LPCAT1: variants seen among roughly 807,000 people sequenced by gnomAD.
The protein encoded by LPCAT1 is 1-acylglycerol-3-phosphate O-acyltransferase.
Under a neutral mutation model 60.9 loss-of-function variants are expected in LPCAT1, and 23 were observed. That is an observed-to-expected ratio of 0.38 (90% CI 0.27 to 0.53). The LOEUF (loss-of-function observed/expected upper bound fraction) is 0.53. LPCAT1 is among the 20% of genes least tolerant of loss of function. The probability of loss-of-function intolerance (pLI) is 0.82; values close to 1 mark genes in which losing one functional copy is unlikely to be tolerated. For missense variants in LPCAT1, 622 were observed against 723.6 expected, an observed-to-expected ratio of 0.86 and a Z score of 1.61; for synonymous variants, 340 against 301.1, an observed-to-expected ratio of 1.13 and a Z score of -1.34.
Position 1,463,797 on chromosome 5 carries a change from C to A in LPCAT1, c.1459G>T (p.Ala487Ser). ...TGATCCGGGTACAGGTATTCCTCTGCGAAGGCAGGGTACATTTCTGCAAAC... is the reference window on the plus strand; with the variant it reads ...TGATCCGGGTACAGGTATTCCTCTGAGAAGGCAGGGTACATTTCTGCAAAC... Reference protein sequence around the residue: ...HRFAEMYPAFAEEYLYPDQTH... With the variant: ...HRFAEMYPAFSEEYLYPDQTH... Residue 487 changes from alanine (A) to serine (S), a missense_variant, in exon 14 of 14, where the codon GCA becomes TCA. By Grantham distance (99) the Ala-to-Ser change is moderately conservative. Around this residue, in one of 3 missense-constraint regions of LPCAT1, gnomAD observed 288 missense variants for 283.6 expected, o/e 1.02. Transcript: ENST00000283415. The A allele has an allele frequency of 6.2e-7, 1 of 1,614,170 alleles. No homozygotes were observed. The highest frequency in any genetic ancestry group is 1.3e-5 in the African/African-American group (1 of 75,052).
rs969468489 is a variant in LPCAT1, at chr5:1,502,555, C to A, written c.136-952G>T. On this transcript the variant is annotated intron_variant, in intron 1 of 13. Coordinates refer to ENST00000283415, the MANE Select transcript of LPCAT1 (RefSeq NM_024830.5). The surrounding 1 kb of genome is among the most constrained non-coding windows in gnomAD (Gnocchi z 5.5). ...CCCCAAGCCAGGGCAGGCCCCCACG[C>A]CAGGGAAGGCCGAGGCTGCGGGATC... 6.6e-6 allele frequency among the ~76,000 whole-genome samples: 1 copy of A among 152,118 alleles called. No individual in the cohort carries two copies. The highest frequency in any genetic ancestry group is 1.5e-5 in the Non-Finnish European group (1 of 68,024).
intron 11 of LPCAT1, among the ~76,000 whole-genome samples, chr5:1,473,611 G>A (rs73031858): frequency 0.013 from 1,938 of 152,336 alleles, 41 homozygotes; most frequent in African/African-American, 0.043. Context: ...AAACTCTGAC[G>A]CTGCAAAGAG....
intron 1 of LPCAT1, among the ~76,000 whole-genome samples, chr5:1,511,035 C>A (rs1425310244): frequency 1.3e-5 from 2 of 152,216 alleles, no homozygotes; most frequent in African/African-American, 2.4e-5. Context: ...TGCGGGGCGT[C>A]CCCACCAGCG....
intron 6 of LPCAT1, among the ~76,000 whole-genome samples, chr5:1,482,316 C>T (rs1001406305): frequency 6.9e-6 from 1 of 144,502 alleles, no homozygotes; most frequent in African/African-American, 2.6e-5. Context: ...CCGATGGAAC[C>T]GGAAGTATTC....
intron 4 of LPCAT1, among the ~76,000 whole-genome samples, chr5:1,489,026 C>CA (rs1381945312): frequency 6.6e-6 from 1 of 152,256 alleles, no homozygotes; most frequent in Non-Finnish European, 1.5e-5. Context: ...CCCAGCCCCG[C>CA]AGGCTGCTTT....
At chr5:1,517,896 C>T (rs753374944) in intron 1 of LPCAT1, among the ~76,000 whole-genome samples, 7 of 152,216 alleles carry the variant, frequency 4.6e-5, no homozygotes, top group Non-Finnish European at 8.8e-5. Context: ...GACAAGGGGA[C>T]GAGGTCGGAG....
rs200268743 is a variant in LPCAT1 at position 1,461,726 on chromosome 5, ATT to A, written c.*1923_*1924del. ...TCCATTCAAAGTCTGTTTATCAGAG[ATT>A]TTTTTTTCTGAAAATGCACAGTGGC... On this transcript the variant is annotated 3_prime_UTR_variant, in exon 14 of 14. Coordinates refer to ENST00000283415, the MANE Select transcript of LPCAT1 (RefSeq NM_024830.5). The A allele has an allele frequency of 2.6e-5, 4 of 152,498 alleles. No individual in the cohort carries two copies. Among genetic ancestry groups the A allele is most frequent in the African/African-American group, 9.7e-5 (4 of 41,374 alleles). The allele number at this position is 152,498 out of a possible 1,614,324, so 9.4% of individuals were successfully genotyped here. A position where few individuals can be genotyped will look rare whatever the true frequency, so the allele number is the denominator to read the frequency against.
rs1736058846 is a variant in LPCAT1, at chr5:1,502,610, TC to T, written c.136-1008del. On this transcript the variant is annotated intron_variant, in intron 1 of 13. Coordinates refer to ENST00000283415, the MANE Select transcript of LPCAT1 (RefSeq NM_024830.5). The surrounding 1 kb of genome is among the most constrained non-coding windows in gnomAD (Gnocchi z 5.5). The stretch of plus-strand genomic sequence containing the variant: ...GCAGCCCAGGGTCTGAGGATGGAGG[TC>T]CCTCCGGGAGGCGGGCAGGACTCCG... Among the ~76,000 whole-genome samples the T allele has an allele frequency of 2.0e-5, 3 of 151,772 alleles. No individual in the cohort carries two copies. The highest frequency in any genetic ancestry group is 2.0e-4 in the Admixed American group (3 of 15,238).
chr5:1,511,424 G>A (rs1409155068), intron 1 of LPCAT1, among the ~76,000 whole-genome samples: 2 of 151,868 alleles, frequency 1.3e-5, no homozygotes, highest in Admixed American at 1.3e-4. Flanking sequence ...GGATGCACCT[G>A]CTCACCTCGC....
intron 13 of LPCAT1, among the ~76,000 whole-genome samples, chr5:1,466,075 T>G (rs1367713446): frequency 5.9e-5 from 9 of 152,294 alleles, no homozygotes; most frequent in Admixed American, 3.9e-4. Flanking sequence ...CGGCATCCAC[T>G]GGGATGAGCC....
At chr5:1,520,504 C>T (rs1480956888) in intron 1 of LPCAT1, among the ~76,000 whole-genome samples, 1 of 152,132 alleles carries the variant, frequency 6.6e-6, no homozygotes, top group Non-Finnish European at 1.5e-5. Flanking sequence ...CACAGGAAGG[C>T]ATTATGCTTT....
chr5:1,492,411 C>T (rs1735623096), intron 3 of LPCAT1, among the ~76,000 whole-genome samples: 1 of 152,178 alleles, frequency 6.6e-6, no homozygotes, highest in South Asian at 2.1e-4. Context: ...GCTCCCGAAT[C>T]AGAGGGTGCT....
chr5:1,488,828 A>G (rs976658377), intron 4 of LPCAT1, among the ~76,000 whole-genome samples: 8 of 152,244 alleles, frequency 5.3e-5, no homozygotes, highest in Non-Finnish European at 1.2e-4. Flanking sequence ...ATCAGGAAGA[A>G]GGTGGGGAGG....
Position 1,521,460 on chromosome 5 carries a change from G to A in LPCAT1, c.135+2250C>T. 1.0e-6 allele frequency: 1 copy of A among 985,302 alleles called. No homozygotes were observed. The allele number at this position is 985,302 out of a possible 1,614,324, so 61.0% of individuals were successfully genotyped here. ...GAAGGCTTTCTTGGCTTGAAAGACAGGCTATTTCACTCTGTGGAAACTTTA... is the reference window on the plus strand; with the variant it reads ...GAAGGCTTTCTTGGCTTGAAAGACAAGCTATTTCACTCTGTGGAAACTTTA... On this transcript the variant is annotated intron_variant, in intron 1 of 13. Transcript: ENST00000283415. The surrounding 1 kb of genome is among the most constrained non-coding windows in gnomAD (Gnocchi z 4.3).
intron 2 of LPCAT1, among the ~76,000 whole-genome samples, chr5:1,497,140 A>G (rs1270014016): frequency 2.0e-5 from 3 of 152,214 alleles, no homozygotes; most frequent in Non-Finnish European, 4.4e-5. Context: ...TCGCCAAGAG[A>G]GTCTGGAAGA....
chr5:1,492,698 A>G (rs1201605585), intron 3 of LPCAT1, among the ~76,000 whole-genome samples: 1 of 152,192 alleles, frequency 6.6e-6, no homozygotes, highest in East Asian at 1.9e-4. Flanking sequence ...ACCTGGGTTG[A>G]TCTGGAAGAG....
chr5:1,483,433 T>G lies in LPCAT1; in HGVS notation c.721A>C (p.Lys241Gln). The change falls in exon 6 of 14, where the codon AAA becomes CAA. Residue 241 changes from lysine to glutamine, a missense_variant. By Grantham distance (53) the Lys-to-Gln change is moderately conservative. Around this residue, in one of 3 missense-constraint regions of LPCAT1, gnomAD observed 209 missense variants for 325.5 expected, o/e 0.64. Coordinates refer to ENST00000283415, the MANE Select transcript of LPCAT1 (RefSeq NM_024830.5). This position sits in a 1 kb window ranked among gnomAD's most constrained non-coding sequence, Gnocchi z 9.2. Reference protein sequence around the residue: ...VQPVVLRYPNKLDTITWTWQG... With the variant: ...VQPVVLRYPNQLDTITWTWQG... ...CCCAAAAAAACACAACTCACCAGTTTATTTGGATATCGTAAAACCACAGGC... is the reference window on the plus strand; with the variant it reads ...CCCAAAAAAACACAACTCACCAGTTGATTTGGATATCGTAAAACCACAGGC... 3 of 1,613,776 alleles carry G rather than the reference T, an allele frequency of 1.9e-6. No individual in the cohort carries two copies. The East Asian group carries it at 6.7e-5, about 36-fold the overall frequency.
chr5:1,473,021 C>T (rs1046161078), intron 11 of LPCAT1, among the ~76,000 whole-genome samples: 1 of 149,070 alleles, frequency 6.7e-6, no homozygotes, highest in Admixed American at 6.6e-5. Context: ...GGAGTCCTTC[C>T]TTTGCCTCTG....
chr5:1,480,996 GTCAGTCA>G lies in LPCAT1; in HGVS notation c.727-27_727-21del, dbSNP rs1425906270. The G allele has an allele frequency of 6.2e-7, 1 of 1,613,412 alleles. No homozygotes were observed. The highest frequency in any genetic ancestry group is 1.1e-5 in the South Asian group (1 of 91,078). ...GGTGTCCTGGGGAGGAAGAGGCAGGGTCAGTCAGCATGGGGCCTGCACCCAGGGCCTG... is the reference window on the plus strand; with the variant it reads ...GGTGTCCTGGGGAGGAAGAGGCAGGGGCATGGGGCCTGCACCCAGGGCCTG... On this transcript the variant is annotated intron_variant, in intron 6 of 13. Transcript: ENST00000283415. This position sits in a 1 kb window ranked among gnomAD's most constrained non-coding sequence, Gnocchi z 6.4.
Sources: gnomAD v4.1 joint callset for allele counts (sites outside exome capture counted in the v4.1 genomes callset) on GRCh38, gnomAD v4.1.1 for gene constraint, gnomAD v4.1.1 regional missense constraint, Gnocchi (gnomAD v3.1) non-coding constraint, MANE v1.5 for transcripts, NCBI Gene and HGNC (gene_info 2026-07-23, HGNC 2026-07-21) for gene names.